Variants in CNTN5 observed in about 807,000 individuals in gnomAD.
CNTN5 encodes the protein contactin-5.
A neutral mutation model predicts 129.1 loss-of-function variants in CNTN5; 77 were observed. The ratio of observed to expected loss-of-function variants is 0.60; its 90% CI spans 0.50 to 0.72. CNTN5 has a LOEUF of 0.72. Among genes scored for constraint, CNTN5 ranks in the 30% least tolerant of loss-of-function variants. CNTN5 has a pLI of 0.00. For synonymous variants in CNTN5, 509 were observed against 465.6 expected (o/e 1.09, Z -1.20); for missense variants, 1,478 against 1,328.8 (o/e 1.11, Z -1.75).
chr11:99,501,627 AGGT>A (rs1341069234), intron 2 of CNTN5, among the ~76,000 whole-genome samples: 1 of 152,212 alleles, frequency 6.6e-6, no homozygotes, highest in Admixed American at 6.5e-5. Context: ...TTTTATCCAC[AGGT>A]AAAAGATATT....
rs199696083 is a variant in CNTN5, at chr11:100,094,765, A to G, written c.1580+20471A>G. Among the ~76,000 whole-genome samples, 221 of 113,934 alleles carry G rather than the reference A, an allele frequency of 1.9e-3. 1 individual carries two copies. The highest frequency in any genetic ancestry group is 4.9e-3 in the African/African-American group (153 of 30,972). The allele number at this position is 113,934 out of a possible 152,430, so 74.7% of individuals were successfully genotyped here. On this transcript the variant is annotated intron_variant, in intron 13 of 24. Transcript: ENST00000524871. ...AAGAAGAAGGAGGGAGGGAGGGAGG[A>G]AAGGAAGGAAGGAAGGAAGGAAGGA... is the stretch of plus-strand genomic sequence containing the variant.
chr11:100,202,321 C>T (rs946960485), intron 15 of CNTN5, among the ~76,000 whole-genome samples: 4 of 151,686 alleles, frequency 2.6e-5, no homozygotes, highest in Non-Finnish European at 5.9e-5. Context: ...TGTAATTATC[C>T]TTCATCCATT....
intron 1 of CNTN5, among the ~76,000 whole-genome samples, chr11:99,175,699 C>T (rs1435868773): frequency 6.6e-6 from 1 of 152,032 alleles, no homozygotes. Flanking sequence ...TGATGGACCT[C>T]GCATCTACCA....
At chr11:99,830,468 C>T (rs956583576) in intron 4 of CNTN5, among the ~76,000 whole-genome samples, 1 of 152,064 alleles carries the variant, frequency 6.6e-6, no homozygotes, top group African/African-American at 2.4e-5. Flanking sequence ...CATCCTGACT[C>T]AAAGCAACCC....
chr11:100,207,272 C>T (rs912177904), intron 15 of CNTN5, among the ~76,000 whole-genome samples: 13 of 152,078 alleles, frequency 8.5e-5, no homozygotes, highest in Admixed American at 6.6e-4. Context: ...CTTGTTCTTA[C>T]AATTAATGTT....
intron 3 of CNTN5, among the ~76,000 whole-genome samples, chr11:99,734,382 T>C (rs1042541021): frequency 6.6e-6 from 1 of 152,206 alleles, no homozygotes; most frequent in Non-Finnish European, 1.5e-5. Context: ...CACTTCACTT[T>C]CTTGTCAGGC....
intron 3 of CNTN5, among the ~76,000 whole-genome samples, chr11:99,568,170 G>T (rs1226392510): frequency 6.6e-6 from 1 of 152,126 alleles, no homozygotes; most frequent in Non-Finnish European, 1.5e-5. Flanking sequence ...CATCAAAAGT[G>T]TTTTGGAATC....
intron 21 of CNTN5, among the ~76,000 whole-genome samples, chr11:100,318,008 C>G (rs1460687209): frequency 1.3e-5 from 2 of 151,944 alleles, no homozygotes; most frequent in Non-Finnish European, 2.9e-5. Context: ...TTGGGAGGCC[C>G]AGATGGGCGG....
chr11:100,060,087 G>A (rs1943400430), intron 9 of CNTN5, among the ~76,000 whole-genome samples: 1 of 151,876 alleles, frequency 6.6e-6, no homozygotes, highest in Admixed American at 6.6e-5. Context: ...CAGCACACCT[G>A]TAATCCCAGC....
chr11:100,253,742 C>T (rs940948063), intron 16 of CNTN5, among the ~76,000 whole-genome samples: 1 of 152,058 alleles, frequency 6.6e-6, no homozygotes, highest in Admixed American at 6.6e-5. Context: ...ATTTTAGTGG[C>T]TTCAACATTG....
intron 2 of CNTN5, among the ~76,000 whole-genome samples, chr11:99,376,371 ATCT>A (rs1209645423): frequency 1.3e-5 from 2 of 152,186 alleles, no homozygotes; most frequent in Non-Finnish European, 2.9e-5. Flanking sequence ...TGTTCCATGC[ATCT>A]TCTTCTTCTA....
chr11:99,566,960 A>G (rs1949025364), intron 3 of CNTN5, among the ~76,000 whole-genome samples: 2 of 152,236 alleles, frequency 1.3e-5, no homozygotes, highest in Admixed American at 1.3e-4. Context: ...AGACTAAATA[A>G]GAATAATACT....
intron 9 of CNTN5, chr11:100,004,029 T>A (rs1291303467): frequency 6.6e-6 from 1 of 152,232 alleles, no homozygotes; most frequent in Non-Finnish European, 1.5e-5. Flanking sequence ...TGTCTTGTGG[T>A]GTGGATCACC....
intron 18 of CNTN5, among the ~76,000 whole-genome samples, chr11:100,296,587 G>C (rs965081644): frequency 6.6e-6 from 1 of 151,516 alleles, no homozygotes; most frequent in Non-Finnish European, 1.5e-5. Context: ...ATACTGAAAC[G>C]TAGACCCTGA....
rs943099816 is a variant in CNTN5, at chr11:100,324,606, A to G, written c.2731-15857A>G. On this transcript the variant is annotated intron_variant, in intron 21 of 24. Transcript: ENST00000524871. Reference sequence around the variant, plus strand: ...ATATTCTCTCTTTCAAAATGTTTCAATAAAGAATATGAAGAAGGCAACTAA... The same window carrying G: ...ATATTCTCTCTTTCAAAATGTTTCAGTAAAGAATATGAAGAAGGCAACTAA... Among the ~76,000 whole-genome samples, 12 of 152,302 alleles carry G rather than the reference A, an allele frequency of 7.9e-5. No homozygotes were observed. The East Asian group carries it at 1.5e-3, about 20-fold the overall frequency.
At chr11:99,041,767 T>G (rs1253319794) in intron 1 of CNTN5, among the ~76,000 whole-genome samples, 1 of 152,214 alleles carries the variant, frequency 6.6e-6, no homozygotes, top group Non-Finnish European at 1.5e-5. Context: ...ATCTATTATA[T>G]GAATAAGAGC....
chr11:100,005,618 T>G (rs980804298), intron 9 of CNTN5, among the ~76,000 whole-genome samples: 2 of 152,198 alleles, frequency 1.3e-5, no homozygotes, highest in Non-Finnish European at 2.9e-5. Context: ...TATTTTCATG[T>G]CCAAGTTGTA....
intron 1 of CNTN5, among the ~76,000 whole-genome samples, chr11:99,041,535 A>G (rs1323867294): frequency 6.6e-6 from 1 of 152,198 alleles, no homozygotes; most frequent in African/African-American, 2.4e-5. Flanking sequence ...TTGCAAGTAG[A>G]CACCACATGC....
At chr11:100,336,474 T>C (rs113259005) in intron 21 of CNTN5, among the ~76,000 whole-genome samples, 247 of 152,276 alleles carry the variant, frequency 1.6e-3, no homozygotes, top group African/African-American at 5.7e-3. Flanking sequence ...GTATAATTAT[T>C]TTAAATACAT....
Sources: gnomAD v4.1 joint callset for allele counts (sites outside exome capture counted in the v4.1 genomes callset) on GRCh38, gnomAD v4.1.1 for gene constraint, MANE v1.5 for transcripts, NCBI Gene and HGNC (gene_info 2026-07-23, HGNC 2026-07-21) for gene names.